Variants in CLVS1 observed in about 807,000 individuals in gnomAD.
CLVS1 encodes the protein clavesin 1.
A neutral mutation model predicts 33.1 loss-of-function variants in CLVS1; 10 were observed. The observed-to-expected ratio is 0.30, with a 90% CI of 0.19 to 0.51. The LOEUF is 0.51. CLVS1 is among the 20% of genes least tolerant of loss of function. CLVS1 has a pLI of 0.97. For synonymous variants in CLVS1, 163 were observed against 166.1 expected, an observed-to-expected ratio of 0.98 and a Z score of 0.14; for missense variants, 343 against 433.4, an observed-to-expected ratio of 0.79 and a Z score of 1.85.
chr8:61,393,417 C>A (rs943663880), intron 3 of CLVS1, among the ~76,000 whole-genome samples: 2 of 152,016 alleles, frequency 1.3e-5, no homozygotes, highest in Admixed American at 6.6e-5. Flanking sequence ...TAAGAGATTT[C>A]TTCTTGGTTT....
chr8:60,984,311 CTTCTTTTTTTTTT>C, the CLVS1 span, among the ~76,000 whole-genome samples: 9 of 150,654 alleles, frequency 6.0e-5, no homozygotes, highest in South Asian at 4.2e-4. Context: ...TTTTTTTCCT[CTTCTTTTTTTTTT>C]TTCTTTTTTT....
At chr8:61,190,520 G>T (rs914847792) in intron 2 of CLVS1, among the ~76,000 whole-genome samples, 2 of 152,086 alleles carry the variant, frequency 1.3e-5, no homozygotes, top group Non-Finnish European at 2.9e-5. Context: ...AAATAACTAA[G>T]ATCAGAGGAG....
At chr8:61,346,051 A>G (rs969445144) in intron 2 of CLVS1, among the ~76,000 whole-genome samples, 2 of 152,176 alleles carry the variant, frequency 1.3e-5, no homozygotes, top group Admixed American at 6.5e-5. Context: ...TATTGGCCTA[A>G]TGGACTAAAA....
intron 3 of CLVS1, among the ~76,000 whole-genome samples, chr8:61,417,196 G>A (rs1815472017): frequency 6.6e-6 from 1 of 152,108 alleles, no homozygotes; most frequent in Non-Finnish European, 1.5e-5. Context: ...CATGGAATGA[G>A]GAGGAGAAAG....
intron 1 of CLVS1, among the ~76,000 whole-genome samples, chr8:61,091,932 T>C (rs1292250956): frequency 1.3e-5 from 2 of 152,234 alleles, no homozygotes; most frequent in Non-Finnish European, 2.9e-5. Context: ...TGGGCAGACC[T>C]GGCAAGACAC....
chr8:61,272,633 A>G (rs1384671710), intron 2 of CLVS1, among the ~76,000 whole-genome samples: 3 of 152,178 alleles, frequency 2.0e-5, no homozygotes, highest in Non-Finnish European at 2.9e-5. Context: ...AGGTACACCA[A>G]TCAGACGTAG....
chr8:61,115,891 G>C (rs1805713591), intron 1 of CLVS1, among the ~76,000 whole-genome samples: 1 of 146,794 alleles, frequency 6.8e-6, no homozygotes, highest in African/African-American at 2.6e-5. Flanking sequence ...TATATACCCA[G>C]TAATGGGATG....
chr8:61,409,874 T>C (rs1049976471), intron 3 of CLVS1, among the ~76,000 whole-genome samples: 9 of 152,212 alleles, frequency 5.9e-5, no homozygotes, highest in Admixed American at 5.9e-4. Flanking sequence ...TCTCTAATTA[T>C]GATTGAGATG....
the CLVS1 span, among the ~76,000 whole-genome samples, chr8:60,983,238 G>A: frequency 6.6e-6 from 1 of 152,176 alleles, no homozygotes; most frequent in African/African-American, 2.4e-5. Context: ...TTCTGAGTGT[G>A]TGTTAGCAGG....
chr8:61,160,447 C>A (rs1356922026), intron 2 of CLVS1, among the ~76,000 whole-genome samples: 3 of 152,290 alleles, frequency 2.0e-5, no homozygotes, highest in East Asian at 3.9e-4. Flanking sequence ...CTAATGCCTG[C>A]CAACTCTGGC....
intron 2 of CLVS1, among the ~76,000 whole-genome samples, chr8:61,253,115 G>C (rs1033078648): frequency 6.6e-6 from 1 of 152,092 alleles, no homozygotes; most frequent in African/African-American, 2.4e-5. Flanking sequence ...GGGCAGGCCT[G>C]GTGGTGACAA....
At chr8:61,268,676 CTGT>C (rs1809365144) in intron 2 of CLVS1, among the ~76,000 whole-genome samples, 1 of 137,010 alleles carries the variant, frequency 7.3e-6, no homozygotes, top group Admixed American at 7.5e-5. Flanking sequence ...TCTCCAGCAC[CTGT>C]TGTTTCCTGA....
At chr8:61,479,528 A>G (rs911013526) in intron 5 of CLVS1, among the ~76,000 whole-genome samples, 3 of 151,996 alleles carry the variant, frequency 2.0e-5, no homozygotes, top group Non-Finnish European at 4.4e-5. Context: ...CATTGGTTCT[A>G]ACTTCCTCCT....
intron 2 of CLVS1, among the ~76,000 whole-genome samples, chr8:61,153,728 C>T (rs1453252709): frequency 6.6e-6 from 1 of 152,106 alleles, no homozygotes; most frequent in Non-Finnish European, 1.5e-5. Context: ...TGCCTAGAAA[C>T]TCTGTGCCCT....
At chr8:61,232,023 G>GTTTGTTTGTTTTTTTTTT in intron 2 of CLVS1, among the ~76,000 whole-genome samples, 1 of 62,628 alleles carries the variant, frequency 1.6e-5, no homozygotes, top group Non-Finnish European at 3.9e-5. Flanking sequence ...GAAAGTTGTG[G>GTTTGTTTGTTTTTTTTTT]TTTTTTTTTT....
chr8:61,486,871 C>T (rs1234043689), intron 5 of CLVS1, among the ~76,000 whole-genome samples: 1 of 152,152 alleles, frequency 6.6e-6, no homozygotes, highest in African/African-American at 2.4e-5. Flanking sequence ...TATGCTGAGG[C>T]TTATCTGATT....
At chr8:61,429,339 G>T (rs1816023631) in intron 3 of CLVS1, among the ~76,000 whole-genome samples, 1 of 144,846 alleles carries the variant, frequency 6.9e-6, no homozygotes, top group Non-Finnish European at 1.5e-5. Context: ...AGAATCGCTT[G>T]AACCTGGGAG....
At chr8:60,965,531 C>T in the CLVS1 span, among the ~76,000 whole-genome samples, 12 of 151,954 alleles carry the variant, frequency 7.9e-5, no homozygotes, top group Admixed American at 1.3e-4. Context: ...GAAGAGCACT[C>T]GGGAGCCCCA....
chr8:61,083,721 T>A (rs552149932), intron 1 of CLVS1, among the ~76,000 whole-genome samples: 17 of 152,062 alleles, frequency 1.1e-4, no homozygotes, highest in Non-Finnish European at 2.4e-4. Context: ...TATATAGATC[T>A]ATGAAACCTG....
Sources: allele counts gnomAD v4.1 joint callset (sites outside exome capture counted in the v4.1 genomes callset), GRCh38; gene constraint gnomAD v4.1.1; transcripts MANE v1.5; gene names NCBI Gene and HGNC (gene_info 2026-07-23, HGNC 2026-07-21).